Variants in CLCC1 observed in about 807,000 individuals in gnomAD.
CLCC1 encodes chloride channel CLIC-like protein 1.
CLCC1 carries 39 observed loss-of-function variants against 63.3 expected under a neutral mutation model. The ratio of observed to expected loss-of-function variants is 0.62; its 90% CI spans 0.48 to 0.81. The LOEUF is 0.81. CLCC1 is among the 30% of genes least tolerant of loss of function. The pLI, the probability that CLCC1 is intolerant of heterozygous loss-of-function variation, is 0.00. For missense variants in CLCC1, 549 were observed against 669.4 expected (o/e 0.82, Z 1.98); for synonymous variants, 217 against 239.8 (o/e 0.90, Z 0.88).
intron 10 of CLCC1, among the ~76,000 whole-genome samples, chr1:108,939,213 T>A (rs1178300001): frequency 3.4e-5 from 5 of 145,850 alleles, no homozygotes; most frequent in African/African-American, 1.3e-4. Context: ...ATATATAATA[T>A]ATAAATATAT....
At position 108,931,628 on chromosome 1, in the gene CLCC1, TAA is replaced by T. The variant is rs71593448; in HGVS notation, c.*917_*918del. The T allele has an allele frequency of 0.016, 12,335 of 793,102 alleles. No homozygotes were observed. The highest frequency in any genetic ancestry group is 0.029 in the East Asian group (840 of 28,508). 49.1% of individuals were successfully genotyped at this position (793,102 alleles called of 1,614,324 possible). A position where few individuals can be genotyped will look rare whatever the true frequency, so the allele number is the denominator to read the frequency against. ...GAATTAATTACATTAAGTGCTCAGC[TAA>T]AAAAAAAAAAAAAGTTCTAAATTAC... On this transcript the variant is annotated 3_prime_UTR_variant, in exon 13 of 13. Coordinates refer to ENST00000369969, the MANE Select transcript of CLCC1 (RefSeq NM_001377458.1).
intron 2 of CLCC1, among the ~76,000 whole-genome samples, chr1:108,960,622 A>G (rs1341517237): frequency 6.6e-6 from 1 of 152,246 alleles, no homozygotes. Flanking sequence ...TACTCCATAA[A>G]TAGAAATGAA....
chr1:108,940,089 C>G lies in CLCC1; in HGVS notation c.850G>C (p.Glu284Gln). The change falls in exon 9 of 13, where the codon GAG becomes CAG. Residue 284 changes from glutamate (E) to glutamine (Q), a missense_variant. Glu to Gln is a conservative substitution (Grantham distance 29). Transcript: ENST00000369969. ...CAAATAGGGTTGACTAGTAAGAGCTCATAGTATTTTTGGCATGGGTCATCC... is the reference window on the plus strand; with the variant it reads ...CAAATAGGGTTGACTAGTAAGAGCTGATAGTATTTTTGGCATGGGTCATCC... ...YKDDPCQKYYELLLVNPIWLV... is the reference protein window; with the variant it reads ...YKDDPCQKYYQLLLVNPIWLV... 6.2e-7 allele frequency: 1 copy of G among 1,613,816 alleles called. No homozygotes were observed. Among genetic ancestry groups the G allele is most frequent in the Non-Finnish European group, 8.5e-7 (1 of 1,179,822 alleles).
Position 108,931,449 on chromosome 1 carries a change from A to C in CLCC1, c.*1098T>G. 4 of 1,550,916 alleles carry C rather than the reference A, an allele frequency of 2.6e-6. No homozygotes were observed. The highest frequency in any genetic ancestry group is 3.5e-6 in the Non-Finnish European group (4 of 1,147,070). On this transcript the variant is annotated 3_prime_UTR_variant, in exon 13 of 13. Coordinates refer to ENST00000369969, the MANE Select transcript of CLCC1 (RefSeq NM_001377458.1). ...AGGCCCACGCTTGGAACAAGTTGCC[A>C]ACTTGTTTCACTCTGCTTGCTTCAG...
chr1:108,939,196 AATATAAATATATAAT>A (rs1653446756), intron 10 of CLCC1, among the ~76,000 whole-genome samples: 1 of 144,506 alleles, frequency 6.9e-6, no homozygotes, highest in Non-Finnish European at 1.5e-5. Flanking sequence ...TATATATATA[AATATAAATATATAAT>A]ATATAAATAT....
chr1:108,951,405 A>G (rs1431809432), intron 2 of CLCC1, among the ~76,000 whole-genome samples: 5 of 152,188 alleles, frequency 3.3e-5, no homozygotes, highest in African/African-American at 1.2e-4. Flanking sequence ...AACAACAAAC[A>G]AATTTCCATT....
chr1:108,937,314 C>T lies in CLCC1; in HGVS notation c.1146G>A (p.Gln382=). The T allele has an allele frequency of 1.2e-6, 2 of 1,614,216 alleles. No homozygotes were observed. The highest frequency in any genetic ancestry group is 1.7e-6 in the Non-Finnish European group (2 of 1,180,020). ...QALRPRDRRR[Q]EEIDYRPDGG... is the part of the protein sequence containing the mutation. The stretch of plus-strand genomic sequence containing the variant: ...CATCAGGTCTATAATCAATTTCCTC[C>T]TGCCGTCTTCTATCCCGTGGCCGAA... The change falls in exon 11 of 13, where the codon CAG becomes CAA. Residue 382 remains glutamine (Q), a synonymous_variant. Transcript: ENST00000369969.
intron 9 of CLCC1, 114 bp downstream of exon 9, chr1:108,939,931 G>C: frequency 7.9e-7 from 1 of 1,271,430 alleles, no homozygotes; most frequent in South Asian, 1.5e-5. Flanking sequence ...CTGTGCAAAA[G>C]TATTTTTTCT....
At chr1:108,953,197 C>T (rs903713303) in intron 2 of CLCC1, among the ~76,000 whole-genome samples, 5 of 152,218 alleles carry the variant, frequency 3.3e-5, no homozygotes, top group Admixed American at 6.5e-5. Flanking sequence ...AAACAGCTTA[C>T]GGTCTAGTTG....
At chr1:108,932,944 TGGA>T (rs1652259296) in intron 12 of CLCC1, 1 of 152,276 alleles carries the variant, frequency 6.6e-6, no homozygotes, top group African/African-American at 2.4e-5. Flanking sequence ...TCACCCAGGC[TGGA>T]GTACAGTGGC....
chr1:108,939,950 C>A, intron 9 of CLCC1, 95 bp downstream of exon 9: 1 of 1,268,610 alleles, frequency 7.9e-7, no homozygotes, highest in Non-Finnish European at 1.1e-6. Context: ...CTTGGACAAA[C>A]GCTTATTAGC....
At chr1:108,935,671 C>G (rs116474605) in intron 11 of CLCC1, among the ~76,000 whole-genome samples, 1 of 152,158 alleles carries the variant, frequency 6.6e-6, no homozygotes, top group Non-Finnish European at 1.5e-5. Context: ...AAGGCTGAGG[C>G]AAAAGAATCG....
chr1:108,932,839 G>GA lies in CLCC1; in HGVS notation c.*46-339dup, dbSNP rs1411219194. On this transcript the variant is annotated intron_variant, in intron 12 of 12. Transcript: ENST00000369969. ...TCCTAAAATCCTTTTGCATTTCTTAGAAAAAATCACGTTTCTGATGAAATT... is the reference window on the plus strand; with the variant it reads ...TCCTAAAATCCTTTTGCATTTCTTAGAAAAAAATCACGTTTCTGATGAAATT... 8 of 152,272 alleles carry GA rather than the reference G, an allele frequency of 5.3e-5. No individual in the cohort carries two copies. In the East Asian group the frequency reaches 9.6e-4, roughly 18 times the overall value. The allele number at this position is 152,272 out of a possible 1,614,324, so 9.4% of individuals were successfully genotyped here.
intron 7 of CLCC1, among the ~76,000 whole-genome samples, chr1:108,942,048 T>C (rs1653921792): frequency 6.6e-6 from 1 of 152,134 alleles, no homozygotes. Flanking sequence ...GTAATTATAA[T>C]GAAAAAGGGA....
At chr1:108,935,063 G>A in intron 11 of CLCC1, 121 bp from the exon 12 acceptor site, 1 of 911,284 alleles carries the variant, frequency 1.1e-6, no homozygotes, top group East Asian at 2.6e-5. Context: ...TTCAAATCCA[G>A]GGTCCAGTGC....
chr1:108,955,484 G>C (rs148010710), intron 2 of CLCC1, among the ~76,000 whole-genome samples: 1 of 151,568 alleles, frequency 6.6e-6, no homozygotes, highest in Non-Finnish European at 1.5e-5. Context: ...GTGGGGCTAT[G>C]ATGGTTCTAG....
At chr1:108,939,009 T>C (rs1653411232) in intron 10 of CLCC1, among the ~76,000 whole-genome samples, 1 of 151,814 alleles carries the variant, frequency 6.6e-6, no homozygotes, top group African/African-American at 2.4e-5. Context: ...AATCGCCTTC[T>C]CATTAAGCGT....
chr1:108,939,950 CG>C, intron 9 of CLCC1, 94 bp downstream of exon 9: 3 of 1,268,610 alleles, frequency 2.4e-6, no homozygotes, highest in Non-Finnish European at 3.3e-6. Context: ...CTTGGACAAA[CG>C]CTTATTAGCA....
intron 2 of CLCC1, among the ~76,000 whole-genome samples, chr1:108,951,572 C>T (rs1655182136): frequency 6.6e-6 from 1 of 152,018 alleles, no homozygotes; most frequent in African/African-American, 2.4e-5. Flanking sequence ...TATATAAGTA[C>T]ATATATATGA....
Sources: allele counts gnomAD v4.1 joint callset (sites outside exome capture counted in the v4.1 genomes callset), GRCh38; gene constraint gnomAD v4.1.1; transcripts MANE v1.5; gene names NCBI Gene and HGNC (gene_info 2026-07-23, HGNC 2026-07-21).